The following TENM2 variants were observed in gnomAD, a reference collection of about 807,000 sequenced individuals.
TENM2 encodes the protein teneurin-2.
In TENM2, 52 loss-of-function variants were observed where a neutral mutation model predicts 245.2. The ratio of observed to expected loss-of-function variants is 0.21; its 90% confidence interval spans 0.17 to 0.27. The LOEUF (loss-of-function observed/expected upper bound fraction) is 0.27. Among genes scored for constraint, TENM2 ranks in the 10% least tolerant of loss-of-function variants. TENM2 has a pLI of 1.00. For synonymous variants in TENM2, 1,363 were observed against 1,438.9 expected, an observed-to-expected ratio of 0.95 and a Z score of 1.19; for missense variants, 3,046 against 3,666.8, an observed-to-expected ratio of 0.83 and a Z score of 4.37.
At chr5:167,595,390 T>C (rs185213982) in intron 2 of TENM2, among the ~76,000 whole-genome samples, 29 of 152,284 alleles carry the variant, frequency 1.9e-4, no homozygotes, top group Middle Eastern at 6.8e-3. Flanking sequence ...GAAAATGACT[T>C]ACTCAGCAAA....
At chr5:168,061,859 G>A (rs7705199) in intron 6 of TENM2, among the ~76,000 whole-genome samples, 40,774 of 151,914 alleles carry the variant, frequency 0.27, 6,165 homozygotes, top group East Asian at 0.45. Flanking sequence ...CCAAGATTTC[G>A]GATGCCCTGG....
intron 1 of TENM2, chr5:167,309,931 G>A (rs1158370121): frequency 1.3e-5 from 2 of 152,330 alleles, no homozygotes; most frequent in Non-Finnish European, 2.9e-5. Context: ...CTGAGATCCA[G>A]TTAGGTTTGC....
At chr5:167,821,901 C>T (rs1160172927) in intron 2 of TENM2, among the ~76,000 whole-genome samples, 3 of 151,904 alleles carry the variant, frequency 2.0e-5, no homozygotes, top group African/African-American at 4.8e-5. Context: ...TCTCAAAAGC[C>T]CCGCGTACTT....
chr5:167,024,548 T>C, the TENM2 span, among the ~76,000 whole-genome samples: 14 of 152,180 alleles, frequency 9.2e-5, no homozygotes, highest in African/African-American at 3.1e-4. Flanking sequence ...CTATTTTATA[T>C]TGGGGAATCA....
intron 2 of TENM2, among the ~76,000 whole-genome samples, chr5:167,741,520 G>A: frequency 6.6e-6 from 1 of 152,106 alleles, no homozygotes; most frequent in East Asian, 1.9e-4. Flanking sequence ...GTCTGCCTTG[G>A]CTTCACACAC....
intron 2 of TENM2, among the ~76,000 whole-genome samples, chr5:167,741,510 G>A (rs1251617383): frequency 6.6e-6 from 1 of 152,160 alleles, no homozygotes; most frequent in South Asian, 2.1e-4. Context: ...TCTGCAGCAA[G>A]TCTGCCTTGG....
intron 8 of TENM2, among the ~76,000 whole-genome samples, chr5:168,091,184 T>G (rs975452839): frequency 7.9e-5 from 12 of 152,190 alleles, no homozygotes; most frequent in Non-Finnish European, 1.2e-4. Context: ...CTACTGGCGA[T>G]TCACATCAGC....
At chr5:167,366,464 T>C (rs1760061632) in intron 1 of TENM2, among the ~76,000 whole-genome samples, 1 of 152,150 alleles carries the variant, frequency 6.6e-6, no homozygotes, top group South Asian at 2.1e-4. Flanking sequence ...ATCTAAGCAT[T>C]TTCCGCTGCT....
At chr5:167,416,677 C>CTGTTCT (rs1763184603) in intron 2 of TENM2, among the ~76,000 whole-genome samples, 1 of 149,800 alleles carries the variant, frequency 6.7e-6, no homozygotes, top group Admixed American at 6.7e-5. Context: ...TACTCTCTTG[C>CTGTTCT]TGTTTTTGTT....
chr5:167,495,406 G>A (rs528587424), intron 2 of TENM2, among the ~76,000 whole-genome samples: 1 of 152,090 alleles, frequency 6.6e-6, no homozygotes, highest in Admixed American at 6.6e-5. Context: ...CCAGTCAAAA[G>A]ATCACAAGGG....
the TENM2 span, among the ~76,000 whole-genome samples, chr5:167,177,990 C>A: frequency 6.6e-6 from 1 of 152,204 alleles, no homozygotes; most frequent in Non-Finnish European, 1.5e-5. Flanking sequence ...ACAGCATGAT[C>A]ATATCCTCAG....
chr5:167,566,212 G>A (rs1423272875), intron 2 of TENM2, among the ~76,000 whole-genome samples: 1 of 151,732 alleles, frequency 6.6e-6, no homozygotes, highest in Non-Finnish European at 1.5e-5. Flanking sequence ...GAGTTAAATA[G>A]GGGAGCTAAG....
intron 2 of TENM2, among the ~76,000 whole-genome samples, chr5:167,468,197 A>G (rs1050493332): frequency 6.6e-6 from 1 of 152,166 alleles, no homozygotes; most frequent in African/African-American, 2.4e-5. Context: ...TCGACCTCCC[A>G]GAGTTCTGGG....
intron 2 of TENM2, among the ~76,000 whole-genome samples, chr5:167,418,284 GTGCCAT>G (rs1308564521): frequency 6.0e-5 from 9 of 150,096 alleles, no homozygotes; most frequent in African/African-American, 2.2e-4. Context: ...AGCCGAGATT[GTGCCAT>G]TGCAACAAGA....
At chr5:167,146,515 C>A in the TENM2 span, among the ~76,000 whole-genome samples, 37,212 of 152,024 alleles carry the variant, frequency 0.24, 6,540 homozygotes, top group African/African-American at 0.5. Context: ...ACCAAGTACT[C>A]TGCGGAGTGG....
At chr5:167,585,606 A>C (rs1168525524) in intron 2 of TENM2, among the ~76,000 whole-genome samples, 1 of 152,198 alleles carries the variant, frequency 6.6e-6, no homozygotes, top group Non-Finnish European at 1.5e-5. Flanking sequence ...GTGAAATTCT[A>C]AGAACTTATC....
the TENM2 span, among the ~76,000 whole-genome samples, chr5:167,069,041 C>T: frequency 6.6e-6 from 1 of 152,064 alleles, no homozygotes; most frequent in East Asian, 1.9e-4. Flanking sequence ...ATTTTTATGT[C>T]TGTGAAATAT....
At position 167,396,666 on chromosome 5, in the gene TENM2, A is replaced by G. The variant is rs528406410; in HGVS notation, c.502+21193A>G. ...CCAGTGGCATGAGGGCACAGGGAGG[A>G]AAAACTGCCACCACCTGTAACTACT... On this transcript the variant is annotated intron_variant, in intron 2 of 28. Transcript: ENST00000518659. Among the ~76,000 whole-genome samples the G allele has an allele frequency of 3.0e-4, 46 of 152,262 alleles. 1 individual carries two copies. The East Asian group carries it at 8.3e-3, about 28-fold the overall frequency.
intron 5 of TENM2, among the ~76,000 whole-genome samples, chr5:167,996,624 C>A (rs1391774047): frequency 6.6e-6 from 1 of 152,128 alleles, no homozygotes; most frequent in Non-Finnish European, 1.5e-5. Context: ...CTATTTTAGA[C>A]AAGATGTATT....
Sources: allele counts gnomAD v4.1 joint callset (sites outside exome capture counted in the v4.1 genomes callset), GRCh38; gene constraint gnomAD v4.1.1; transcripts MANE v1.5; gene names NCBI Gene and HGNC (gene_info 2026-07-23, HGNC 2026-07-21).